The following PCDHGB3 variants were observed in gnomAD, a reference collection of about 807,000 sequenced individuals.
PCDHGB3 encodes the protein protocadherin gamma-B3.
PCDHGB3 carries 40 observed loss-of-function variants against 59.2 expected under a neutral mutation model. The observed-to-expected ratio is 0.68, with a 90% CI of 0.52 to 0.88. PCDHGB3 has a LOEUF of 0.88. Ranked by LOEUF, PCDHGB3 falls within the 40% of genes least tolerant of loss-of-function variation. The pLI is 0.00. For missense variants in PCDHGB3, 1,309 were observed against 1,187.9 expected (o/e 1.10, Z -1.50); for synonymous variants, 581 against 503.6 (o/e 1.15, Z -2.06).
intron 1 of PCDHGB3, among the ~76,000 whole-genome samples, chr5:141,420,650 A>G (rs2096512866): frequency 6.6e-6 from 1 of 152,244 alleles, no homozygotes; most frequent in Non-Finnish European, 1.5e-5. Context: ...TGTAAGAATT[A>G]TAGTTAGGCA....
chr5:141,504,379 G>T (rs181617363), intron 2 of PCDHGB3, among the ~76,000 whole-genome samples: 1 of 152,088 alleles, frequency 6.6e-6, no homozygotes, highest in African/African-American at 2.4e-5. Context: ...AGGTGGAGTC[G>T]CTGCCTCACA....
chr5:141,434,178 G>C (rs960680568), intron 1 of PCDHGB3, among the ~76,000 whole-genome samples: 1 of 152,178 alleles, frequency 6.6e-6, no homozygotes, highest in African/African-American at 2.4e-5. Flanking sequence ...TTATATCCAA[G>C]ATTTGTAATT....
chr5:141,409,805 C>T lies in PCDHGB3; in HGVS notation c.2415+36996C>T, dbSNP rs751397816. 8 of 1,611,512 alleles carry T rather than the reference C, an allele frequency of 5.0e-6. No individual in the cohort carries two copies. The African/African-American group carries it at 5.3e-5, about 11-fold the overall frequency. ...CGCCTTCGCGCTCACGCTGCAGGCC[C>T]GCGACCACGGCTCGCCCACGCTCAG... is the stretch of plus-strand genomic sequence containing the variant. On this transcript the variant is annotated intron_variant, in intron 1 of 3. Coordinates refer to ENST00000576222, the MANE Select transcript of PCDHGB3 (RefSeq NM_018924.5).
In PCDHGB3 at chr5:141,490,242, T is replaced by G. The variant is rs2099697678; in HGVS notation, c.2416-4565T>G. 6.2e-7 allele frequency: 1 copy of G among 1,614,194 alleles called. No individual in the cohort carries two copies. The highest frequency in any genetic ancestry group is 8.5e-7 in the Non-Finnish European group (1 of 1,180,028). ...GACAGCCTGCCATGGAGGGCCACTG[T>G]GTGATTCAAGTGGATGTGGGGGATG... On this transcript the variant is annotated intron_variant, in intron 1 of 3. Transcript: ENST00000576222. The surrounding 1 kb of genome is among the most constrained non-coding windows in gnomAD (Gnocchi z 5.4).
intron 1 of PCDHGB3, chr5:141,376,210 C>G (rs112869528): frequency 6.2e-7 from 1 of 1,614,162 alleles, no homozygotes; most frequent in Non-Finnish European, 8.5e-7. Context: ...CCTTCGTCAT[C>G]GTGCTGCTGG....
intron 1 of PCDHGB3, among the ~76,000 whole-genome samples, chr5:141,461,782 TAG>T (rs2099022757): frequency 6.6e-6 from 1 of 152,086 alleles, no homozygotes; most frequent in South Asian, 2.1e-4. Context: ...GCCTCCCAAG[TAG>T]CTGGGATTAC....
At chr5:141,403,646 G>A in intron 1 of PCDHGB3, 1 of 1,613,950 alleles carries the variant, frequency 6.2e-7, no homozygotes, top group Non-Finnish European at 8.5e-7. Context: ...CCATGTGACA[G>A]TGTTGGATAC....
chr5:141,402,799 C>A (rs1248030162), intron 1 of PCDHGB3: 2 of 1,061,840 alleles, frequency 1.9e-6, no homozygotes, highest in Non-Finnish European at 2.6e-6. Flanking sequence ...TACACAAAAC[C>A]CGGCAGATAC....
At chr5:141,395,009 G>A (rs371216255) in intron 1 of PCDHGB3, 168 of 1,613,918 alleles carry the variant, frequency 1.0e-4, no homozygotes, top group Non-Finnish European at 1.4e-4. Flanking sequence ...GTGGCAGATT[G>A]GTAGGCGTGC....
At chr5:141,456,899 G>T (rs1592472053) in intron 1 of PCDHGB3, among the ~76,000 whole-genome samples, 1 of 152,212 alleles carries the variant, frequency 6.6e-6, no homozygotes, top group East Asian at 1.9e-4. Context: ...GGAGGCAGAG[G>T]TTGCAGTGAG....
intron 1 of PCDHGB3, chr5:141,385,487 A>T (rs1781222873): frequency 5.6e-6 from 8 of 1,416,434 alleles, no homozygotes; most frequent in Non-Finnish European, 6.4e-6. Context: ...TATAGAACAC[A>T]TAGGATATAG....
intron 1 of PCDHGB3, among the ~76,000 whole-genome samples, chr5:141,463,117 A>G (rs2099053039): frequency 6.6e-6 from 1 of 152,196 alleles, no homozygotes; most frequent in African/African-American, 2.4e-5. Context: ...TTCAGCTAAT[A>G]GCTCCCTGGC....
Position 141,371,931 on chromosome 5 carries a change from G to T in PCDHGB3, c.1537G>T (p.Val513Leu). The change falls in exon 1 of 4, where the codon GTG (valine) becomes TTG (leucine). Residue 513 changes from valine to leucine, a missense_variant. Transcript: ENST00000576222. ...SYVSVSARSG[V>L]VFAQRAFDHE... Reference sequence around the variant, plus strand: ...CGTGTCCGTGAGCGCGCGGAGCGGGGTGGTGTTCGCGCAGCGAGCCTTCGA... The same window carrying T: ...CGTGTCCGTGAGCGCGCGGAGCGGGTTGGTGTTCGCGCAGCGAGCCTTCGA... The T allele has an allele frequency of 6.2e-7, 1 of 1,613,372 alleles. No homozygotes were observed. Among genetic ancestry groups the T allele is most frequent in the Non-Finnish European group, 8.5e-7 (1 of 1,179,910 alleles).
intron 1 of PCDHGB3, chr5:141,400,083 C>T (rs1396687812): frequency 6.2e-7 from 1 of 1,614,048 alleles, no homozygotes; most frequent in Non-Finnish European, 8.5e-7. Context: ...CACTCTCCGC[C>T]ACCGCCACGC....
rs532675537 is a variant in PCDHGB3, at chr5:141,508,584, T to C, written c.2564-2363T>C. Among the ~76,000 whole-genome samples, 87 of 152,266 alleles carry C rather than the reference T, an allele frequency of 5.7e-4. 1 individual carries two copies. Among genetic ancestry groups the C allele is most frequent in the African/African-American group, 1.6e-3 (66 of 41,552 alleles). On this transcript the variant is annotated intron_variant, in intron 3 of 3. Coordinates refer to ENST00000576222, the MANE Select transcript of PCDHGB3 (RefSeq NM_018924.5). The stretch of plus-strand genomic sequence containing the variant: ...TGTCACTTGCACCCACTCGGGGTGC[T>C]ACTCAGAGATCTTGGGTGCACATAG...
chr5:141,468,339 A>G (rs1320544911), intron 1 of PCDHGB3: 2 of 151,348 alleles, frequency 1.3e-5, no homozygotes, highest in Non-Finnish European at 2.9e-5. Context: ...TCAAAAAAAA[A>G]AAAAAAAAAA....
chr5:141,423,335 G>T (rs781241820), intron 1 of PCDHGB3: 11 of 1,614,046 alleles, frequency 6.8e-6, no homozygotes, highest in Non-Finnish European at 9.3e-6. Context: ...GCAGTCTCCT[G>T]CATCTTCCTG....
At chr5:141,403,960 G>A (rs775638627) in intron 1 of PCDHGB3, 10 of 1,613,658 alleles carry the variant, frequency 6.2e-6, no homozygotes, top group East Asian at 4.5e-5. Flanking sequence ...TGCTCATTTC[G>A]GTGGAAGATG....
At position 141,489,314 on chromosome 5, in the gene PCDHGB3, G is replaced by C. The variant is rs374235290; in HGVS notation, c.2416-5493G>C. The stretch of plus-strand genomic sequence containing the variant: ...TGCATGTTGTCCTTGTGCTGCTGGG[G>C]CTGGGTGTCTGGGCAGCTTCGTTAC... On this transcript the variant is annotated intron_variant, in intron 1 of 3. Coordinates refer to ENST00000576222, the MANE Select transcript of PCDHGB3 (RefSeq NM_018924.5). This position sits in a 1 kb window ranked among gnomAD's most constrained non-coding sequence, Gnocchi z 4.5. 2 of 1,596,790 alleles carry C rather than the reference G, an allele frequency of 1.3e-6. No homozygotes were observed. The highest frequency in any genetic ancestry group is 2.2e-5 in the East Asian group (1 of 44,724).
Sources: allele counts gnomAD v4.1 joint callset (sites outside exome capture counted in the v4.1 genomes callset), GRCh38; gene constraint gnomAD v4.1.1; non-coding constraint Gnocchi (gnomAD v3.1); transcripts MANE v1.5; gene names NCBI Gene and HGNC (gene_info 2026-07-23, HGNC 2026-07-21).